The following TRPM3 variants were observed in gnomAD, a reference collection of about 807,000 sequenced individuals.
The protein encoded by TRPM3 is long transient receptor potential channel 3.
In TRPM3, 77 loss-of-function variants were observed where a neutral mutation model predicts 181.2. The ratio of observed to expected loss-of-function variants is 0.42; its 90% CI spans 0.35 to 0.51. The LOEUF (loss-of-function observed/expected upper bound fraction) is 0.51, where lower values mean the gene tolerates loss of function less well. Among genes scored for constraint, TRPM3 ranks in the 20% least tolerant of loss-of-function variants. TRPM3 has a pLI of 0.01. For missense variants in TRPM3, 1,759 were observed against 2,196.7 expected, an observed-to-expected ratio of 0.80 and a Z score of 3.98; for synonymous variants, 745 against 796.4, an observed-to-expected ratio of 0.94 and a Z score of 1.09.
At chr9:70,877,647 G>A (rs1348580051) in intron 1 of TRPM3, among the ~76,000 whole-genome samples, 2 of 151,948 alleles carry the variant, frequency 1.3e-5, no homozygotes, top group East Asian at 3.9e-4. Flanking sequence ...AAATCATGGA[G>A]TGGAAACCAA....
At chr9:71,275,286 A>C (rs2084110114) in intron 1 of TRPM3, among the ~76,000 whole-genome samples, 3 of 152,212 alleles carry the variant, frequency 2.0e-5, no homozygotes, top group Admixed American at 1.3e-4. Flanking sequence ...AAGTGTTTTT[A>C]ATTAAAATTT....
At chr9:71,294,816 G>A (rs1453049597) in intron 1 of TRPM3, among the ~76,000 whole-genome samples, 1 of 152,108 alleles carries the variant, frequency 6.6e-6, no homozygotes, top group East Asian at 1.9e-4. Context: ...GATTGATTCT[G>A]AGTATGTTCA....
At chr9:71,123,197 CCT>C (rs2073827544), upstream of TRPM3, among the ~76,000 whole-genome samples, 1 of 152,158 alleles carries the variant, frequency 6.6e-6, no homozygotes, top group Non-Finnish European at 1.5e-5. Flanking sequence ...AAAACCACTG[CCT>C]CTGTTTTTTG....
In TRPM3 at chr9:70,749,184, C is replaced by CA. The variant is rs1475833652; in HGVS notation, c.1272+12416dup. Among the ~76,000 whole-genome samples, 5 of 152,206 alleles carry CA rather than the reference C, an allele frequency of 3.3e-5. No homozygotes were observed. In the East Asian group the frequency reaches 9.7e-4, roughly 29 times the overall value. On this transcript the variant is annotated intron_variant, in intron 8 of 25. Coordinates refer to ENST00000677713, the MANE Select transcript of TRPM3 (RefSeq NM_001366145.2). ...ATGGGCATGAGCCACTGTGTCCAGA[C>CA]AAAAGTTGGTTTATTTTCATTCTTG...
chr9:71,310,002 A>G lies in TRPM3; in HGVS notation c.183+136651T>C, dbSNP rs567435613. ...CTATTTTCATAAATGAAACAGGTGTAACATATTAAGGCAGATAGCAAAAAT... is the reference window on the plus strand; with the variant it reads ...CTATTTTCATAAATGAAACAGGTGTGACATATTAAGGCAGATAGCAAAAAT... On this transcript the variant is annotated intron_variant, in intron 1 of 24. Coordinates refer to the TRPM3 transcript ENST00000357533. 4.6e-5 allele frequency among the ~76,000 whole-genome samples: 7 copies of G among 152,264 alleles called. No individual in the cohort carries two copies. The South Asian group carries it at 1.2e-3, about 27-fold the overall frequency.
chr9:71,076,359 T>C (rs776022786), intron 1 of TRPM3, among the ~76,000 whole-genome samples: 8 of 152,206 alleles, frequency 5.3e-5, no homozygotes, highest in Non-Finnish European at 8.8e-5. Flanking sequence ...CATGAACTAA[T>C]GTGCCACAGA....
At chr9:70,553,362 A>G in intron 22 of TRPM3, 52 bp from the exon 23 acceptor site, 1 of 1,590,282 alleles carries the variant, frequency 6.3e-7, no homozygotes, top group Non-Finnish European at 8.6e-7. Context: ...TTGAGTTAGA[A>G]AAAAAATAAA....
intron 1 of TRPM3, among the ~76,000 whole-genome samples, chr9:71,363,792 T>G (rs2092242230): frequency 6.6e-6 from 1 of 152,094 alleles, no homozygotes; most frequent in African/African-American, 2.4e-5. Flanking sequence ...CACACTAGAT[T>G]TAAGTGCTTG....
At chr9:70,646,979 A>C (rs975120250) in intron 9 of TRPM3, among the ~76,000 whole-genome samples, 1 of 152,096 alleles carries the variant, frequency 6.6e-6, no homozygotes, top group African/African-American at 2.4e-5. Context: ...ACAACCTCCC[A>C]AGATTGAACC....
chr9:70,873,034 T>C (rs775267466), intron 1 of TRPM3, among the ~76,000 whole-genome samples: 3 of 151,970 alleles, frequency 2.0e-5, no homozygotes, highest in Non-Finnish European at 4.4e-5. Flanking sequence ...TGCTTGAAGA[T>C]ATATTTTTTT....
At chr9:70,846,349 T>C (rs1243182600) in intron 4 of TRPM3, 29 bp downstream of exon 4, 1 of 1,597,280 alleles carries the variant, frequency 6.3e-7, no homozygotes, top group Non-Finnish European at 8.6e-7. Flanking sequence ...ATGGCCTATG[T>C]TGACTTTCTC....
intron 8 of TRPM3, among the ~76,000 whole-genome samples, chr9:70,740,369 C>A (rs902109953): frequency 9.2e-5 from 14 of 152,074 alleles, no homozygotes; most frequent in Admixed American, 7.2e-4. Flanking sequence ...TAGGTAGAAT[C>A]AATATTGTGA....
rs575263947 is a variant in TRPM3 at position 70,535,537 on chromosome 9, T to C, written c.*416A>G. The C allele has an allele frequency of 6.5e-7, 1 of 1,545,674 alleles. No individual in the cohort carries two copies. The highest frequency in any genetic ancestry group is 1.2e-5 in the South Asian group (1 of 83,282). ...ATCTCATTGTGTACGCTGGCTATTT[T>C]ATTTTATTTTGCAATTTAGCCCTGC... is the stretch of plus-strand genomic sequence containing the variant. On this transcript the variant is annotated 3_prime_UTR_variant, in exon 26 of 26. Coordinates refer to ENST00000677713, the MANE Select transcript of TRPM3 (RefSeq NM_001366145.2).
intron 1 of TRPM3, among the ~76,000 whole-genome samples, chr9:71,104,352 TA>T (rs74891773): frequency 0.059 from 9,010 of 152,280 alleles, 387 homozygotes; most frequent in Admixed American, 0.13. Flanking sequence ...TGATTTTCCT[TA>T]AAACCCATGA....
In TRPM3 at chr9:70,549,578, G is replaced by A; in HGVS notation, c.3671C>T (p.Ser1224Leu). The A allele has an allele frequency of 1.2e-6, 2 of 1,613,806 alleles. No individual in the cohort carries two copies. The highest frequency in any genetic ancestry group is 3.3e-5 in the Admixed American group (2 of 59,992). The change falls in exon 25 of 26, where the codon TCA (serine) becomes TTA (leucine). Residue 1224 changes from serine to leucine, a missense_variant. Ser to Leu is a moderately radical substitution (Grantham distance 145). This residue lies in a region of TRPM3 where 96 missense variants were observed against 129.6 expected (regional missense o/e 0.74). Transcript: ENST00000677713. ...CACCCGTATCCTCTCATCATTAGAT[G>A]AGTTGAACCGATCATCCTTTTCTCT... ...YFREKDDRFN[S>L]SNDERIRVTS...
At chr9:70,987,572 C>A (rs1046020105) in intron 1 of TRPM3, among the ~76,000 whole-genome samples, 14 of 152,024 alleles carry the variant, frequency 9.2e-5, no homozygotes, top group Non-Finnish European at 2.9e-5. Flanking sequence ...ATGGCAAAAA[C>A]CGCAATTAAT....
chr9:71,095,804 A>G (rs1257558704), intron 1 of TRPM3, among the ~76,000 whole-genome samples: 1 of 151,104 alleles, frequency 6.6e-6, no homozygotes, highest in Non-Finnish European at 1.5e-5. Context: ...AAAAAGAGAG[A>G]AAGAGAGAGA....
rs2089574679 is a variant in TRPM3, at chr9:71,325,162, A to C, written c.183+121491T>G. Reference sequence around the variant, plus strand: ...TCTCACATACCTCACAAGTTTGTACAAGTAACAAATACATTATTAGTATTT... The same window carrying C: ...TCTCACATACCTCACAAGTTTGTACCAGTAACAAATACATTATTAGTATTT... On this transcript the variant is annotated intron_variant, in intron 1 of 24. Coordinates refer to the TRPM3 transcript ENST00000357533. Among the ~76,000 whole-genome samples, 3 of 152,160 alleles carry C rather than the reference A, an allele frequency of 2.0e-5. No individual in the cohort carries two copies. In the South Asian group the frequency reaches 6.2e-4, roughly 32 times the overall value.
chr9:71,411,611 C>CAAAT (rs780770363), intron 1 of TRPM3, among the ~76,000 whole-genome samples: 72 of 151,974 alleles, frequency 4.7e-4, no homozygotes, highest in Non-Finnish European at 9.9e-4. Flanking sequence ...ATGACACAAA[C>CAAAT]AAATGAACAT....
Sources: gnomAD v4.1 joint callset for allele counts (sites outside exome capture counted in the v4.1 genomes callset) on GRCh38, gnomAD v4.1.1 for gene constraint, gnomAD v4.1.1 regional missense constraint, MANE v1.5 for transcripts, NCBI Gene and HGNC (gene_info 2026-07-23, HGNC 2026-07-21) for gene names.